FNDC3A: variants seen among roughly 807,000 people sequenced by gnomAD.
FNDC3A encodes fibronectin type-III domain-containing protein 3A.
Under a neutral mutation model 148.9 loss-of-function variants are expected in FNDC3A, and 32 were observed. That is an observed-to-expected ratio of 0.21 (90% CI 0.16 to 0.29). The LOEUF is 0.29. Ranked by LOEUF, FNDC3A falls within the 10% of genes least tolerant of loss-of-function variation. The pLI is 1.00. For synonymous variants in FNDC3A, 472 were observed against 473.6 expected (o/e 1.00, Z 0.04); for missense variants, 1,191 against 1,452.8 (o/e 0.82, Z 2.93).
chr13:49,017,159 C>T (rs1281637410), intron 2 of FNDC3A, among the ~76,000 whole-genome samples: 37 of 152,050 alleles, frequency 2.4e-4, no homozygotes, highest in South Asian at 1.9e-3. Context: ...GGTATCCTTG[C>T]TGACTTTCTG....
chr13:49,194,489 C>G (rs1886051299), intron 19 of FNDC3A, among the ~76,000 whole-genome samples: 1 of 152,152 alleles, frequency 6.6e-6, no homozygotes, highest in South Asian at 2.1e-4. Flanking sequence ...GGGTGGTATT[C>G]ATGTGAGAGT....
Position 49,151,426 on chromosome 13 carries a change from A to T in FNDC3A, c.977+5491A>T, listed in dbSNP as rs1883287699. Among the ~76,000 whole-genome samples, 3 of 151,902 alleles carry T rather than the reference A, an allele frequency of 2.0e-5. No homozygotes were observed. The South Asian group carries it at 6.2e-4, about 31-fold the overall frequency. Reference sequence around the variant, plus strand: ...TCACTTTTGGTTTCTGTTTGCATGGATTATCGTTTTCCATCCCTTTACTTT... The same window carrying T: ...TCACTTTTGGTTTCTGTTTGCATGGTTTATCGTTTTCCATCCCTTTACTTT... On this transcript the variant is annotated intron_variant, in intron 8 of 25. Transcript: ENST00000492622.
At chr13:49,043,029 C>G (rs931902687) in intron 2 of FNDC3A, among the ~76,000 whole-genome samples, 1 of 152,030 alleles carries the variant, frequency 6.6e-6, no homozygotes, top group African/African-American at 2.4e-5. Context: ...AATCAAGGCT[C>G]ACTTCAGCCT....
intron 23 of FNDC3A, among the ~76,000 whole-genome samples, chr13:49,200,441 A>G (rs1886370772): frequency 6.6e-6 from 1 of 152,142 alleles, no homozygotes; most frequent in African/African-American, 2.4e-5. Flanking sequence ...CTCTACAAAG[A>G]GATTATTTGC....
At chr13:49,054,400 A>G (rs1566217521) in intron 2 of FNDC3A, among the ~76,000 whole-genome samples, 1 of 152,204 alleles carries the variant, frequency 6.6e-6, no homozygotes, top group African/African-American at 2.4e-5. Flanking sequence ...ATTCAGGACT[A>G]TTCCTATCAG....
rs528312035 is a variant in FNDC3A at position 49,193,458 on chromosome 13, C to T, written c.2226+2074C>T. 2.7e-4 allele frequency among the ~76,000 whole-genome samples: 41 copies of T among 152,130 alleles called. No individual in the cohort carries two copies. In the South Asian group the frequency reaches 5.8e-3, roughly 22 times the overall value. On this transcript the variant is annotated intron_variant, in intron 19 of 25. Transcript: ENST00000492622. ...TACTTTTTTATAGAGATGGGGGTCC[C>T]CTTATGTTTCCCAGGTTGGTCTCAA...
At chr13:49,181,119 A>G (rs190532298) in intron 14 of FNDC3A, among the ~76,000 whole-genome samples, 3 of 152,270 alleles carry the variant, frequency 2.0e-5, no homozygotes, top group African/African-American at 7.2e-5. Flanking sequence ...GTGTTTCACT[A>G]TGGTGGTCAC....
intron 25 of FNDC3A, among the ~76,000 whole-genome samples, chr13:49,206,409 G>A (rs551841309): frequency 1.3e-3 from 203 of 152,096 alleles, no homozygotes; most frequent in Middle Eastern, 3.4e-3. Flanking sequence ...ACTGATCAAG[G>A]TTATTGCCAA....
intron 23 of FNDC3A, chr13:49,201,318 T>C (rs986451630): frequency 6.2e-6 from 1 of 160,670 alleles, no homozygotes. Flanking sequence ...TGCCTGGGAA[T>C]TGAGAATTCT....
At chr13:49,024,061 C>T (rs1649799357) in intron 2 of FNDC3A, among the ~76,000 whole-genome samples, 1 of 151,758 alleles carries the variant, frequency 6.6e-6, no homozygotes, top group Admixed American at 6.6e-5. Context: ...ACGGATACCA[C>T]AGAAATACAA....
chr13:49,207,047 C>A, intron 25 of FNDC3A, 34 bp from the exon 26 acceptor site: 1 of 1,506,156 alleles, frequency 6.6e-7, no homozygotes, highest in Non-Finnish European at 9.2e-7. Context: ...CCAGCCTTCA[C>A]ACGTAATTCT....
intron 8 of FNDC3A, among the ~76,000 whole-genome samples, chr13:49,151,560 TTTTG>T (rs1359906375): frequency 2.6e-5 from 4 of 152,150 alleles, no homozygotes; most frequent in Non-Finnish European, 5.9e-5. Context: ...GTAGAAAGTT[TTTTG>T]TTTCTTTTTG....
Position 49,208,888 on chromosome 13 carries a change from T to C in FNDC3A, c.*1493T>C, listed in dbSNP as rs1886772722. ...TGAAAAAAGAACGTATTTTTTGTGC[T>C]TTGAAGATCTCTGAAGAATTTCTTT... is the stretch of plus-strand genomic sequence containing the variant. On this transcript the variant is annotated 3_prime_UTR_variant, in exon 26 of 26. Coordinates refer to ENST00000492622, the MANE Select transcript of FNDC3A (RefSeq NM_001079673.2). The C allele has an allele frequency of 6.6e-6, 1 of 152,636 alleles. No homozygotes were observed. Among genetic ancestry groups the C allele is most frequent in the African/African-American group, 2.4e-5 (1 of 41,462 alleles). The allele number at this position is 152,636 out of a possible 1,614,324, so 9.5% of individuals were successfully genotyped here.
chr13:49,079,373 A>G (rs1878328088), intron 3 of FNDC3A, among the ~76,000 whole-genome samples: 1 of 152,196 alleles, frequency 6.6e-6, no homozygotes, highest in African/African-American at 2.4e-5. Context: ...ATAAAAAGAG[A>G]TACACATAGG....
chr13:49,048,697 C>T (rs1196515261), intron 2 of FNDC3A, among the ~76,000 whole-genome samples: 1 of 152,120 alleles, frequency 6.6e-6, no homozygotes, highest in Non-Finnish European at 1.5e-5. Flanking sequence ...AATTCATCTA[C>T]AGTTCTAGGA....
At chr13:49,007,946 G>A (rs546818599) in intron 2 of FNDC3A, among the ~76,000 whole-genome samples, 2 of 152,130 alleles carry the variant, frequency 1.3e-5, no homozygotes, top group Non-Finnish European at 2.9e-5. Flanking sequence ...GGACTGGCCT[G>A]ATAGATCTGG....
intron 1 of FNDC3A, among the ~76,000 whole-genome samples, chr13:48,995,480 G>A (rs1041855961): frequency 2.6e-5 from 4 of 152,074 alleles, no homozygotes; most frequent in African/African-American, 9.7e-5. Context: ...ATAAAAAGCT[G>A]TCTTTTTTTA....
chr13:49,096,882 A>C (rs973990679), intron 3 of FNDC3A, among the ~76,000 whole-genome samples: 12 of 152,130 alleles, frequency 7.9e-5, no homozygotes, highest in African/African-American at 2.9e-4. Flanking sequence ...TGATGCTTGA[A>C]GAAGTAGAAG....
intron 3 of FNDC3A, among the ~76,000 whole-genome samples, chr13:49,085,091 AC>A (rs950280935): frequency 1.3e-5 from 2 of 152,084 alleles, no homozygotes; most frequent in African/African-American, 4.8e-5. Flanking sequence ...CCAGTTAGTA[AC>A]CATTTTCTCC....
Sources: allele counts gnomAD v4.1 joint callset (sites outside exome capture counted in the v4.1 genomes callset), GRCh38; gene constraint gnomAD v4.1.1; transcripts MANE v1.5; gene names NCBI Gene and HGNC (gene_info 2026-07-23, HGNC 2026-07-21).